The following PRKCE variants were observed in gnomAD, a reference collection of about 807,000 sequenced individuals.
The protein encoded by PRKCE is protein kinase C epsilon type.
A neutral mutation model predicts 85.4 loss-of-function variants in PRKCE; 16 were observed. The ratio of observed to expected loss-of-function variants is 0.19; its 90% CI spans 0.13 to 0.28. The LOEUF (loss-of-function observed/expected upper bound fraction) is 0.28. PRKCE is among the 10% of genes least tolerant of loss of function. The probability of loss-of-function intolerance (pLI) is 1.00; values close to 1 mark genes in which losing one functional copy is unlikely to be tolerated. For synonymous variants in PRKCE, 388 were observed against 371.5 expected, an observed-to-expected ratio of 1.04 and a Z score of -0.51; for missense variants, 573 against 975.2, an observed-to-expected ratio of 0.59 and a Z score of 5.49.
At position 45,885,002 on chromosome 2, in the gene PRKCE, T is replaced by TTTTTTTG. The variant is rs375477829; in HGVS notation, c.412+41941_412+41942insTTTTGTT. ...ATATATATATATATATATATATATA[T>TTTTTTTG]TTGTTGTTGTTGTTGTTGTTTTACC... On this transcript the variant is annotated intron_variant, in intron 2 of 14. Coordinates refer to ENST00000306156, the MANE Select transcript of PRKCE (RefSeq NM_005400.3). Among the ~76,000 whole-genome samples, 618 of 97,624 alleles carry TTTTTTTG rather than the reference T, an allele frequency of 6.3e-3. 41 individuals are homozygous for TTTTTTTG. Among genetic ancestry groups the TTTTTTTG allele is most frequent in the Non-Finnish European group, 9.3e-3 (444 of 47,596 alleles). The allele number at this position is 97,624 out of a possible 152,430, so 64.0% of individuals were successfully genotyped here. A position where few individuals can be genotyped will look rare whatever the true frequency, so the allele number is the denominator to read the frequency against.
chr2:46,129,501 A>C (rs542476310), intron 11 of PRKCE, among the ~76,000 whole-genome samples: 1 of 152,248 alleles, frequency 6.6e-6, no homozygotes, highest in Admixed American at 6.5e-5. Context: ...ACGTGTTTCC[A>C]TAGTGCCAAG....
At chr2:45,686,067 A>G (rs571263082) in intron 1 of PRKCE, among the ~76,000 whole-genome samples, 1 of 152,318 alleles carries the variant, frequency 6.6e-6, no homozygotes, top group African/African-American at 2.4e-5. Context: ...TATCTTGTAT[A>G]TGTCCTGTAT....
chr2:45,705,480 C>T (rs1467701538), intron 1 of PRKCE, among the ~76,000 whole-genome samples: 2 of 152,186 alleles, frequency 1.3e-5, no homozygotes, highest in African/African-American at 4.8e-5. Context: ...CCAGCTGTAC[C>T]ATTCCCTGCA....
chr2:45,856,815 T>G (rs1224613690), intron 2 of PRKCE, among the ~76,000 whole-genome samples: 3 of 152,266 alleles, frequency 2.0e-5, no homozygotes, highest in Non-Finnish European at 4.4e-5. Context: ...TTTGTCTTTC[T>G]GTGCCTGGCT....
chr2:45,822,571 T>G (rs1482895926), intron 1 of PRKCE, among the ~76,000 whole-genome samples: 1 of 152,186 alleles, frequency 6.6e-6, no homozygotes, highest in Non-Finnish European at 1.5e-5. Context: ...TGGGCTGGGG[T>G]GCCCTGTAAT....
At chr2:46,154,655 T>C (rs1677022600) in intron 13 of PRKCE, among the ~76,000 whole-genome samples, 4 of 152,142 alleles carry the variant, frequency 2.6e-5, no homozygotes, top group African/African-American at 9.6e-5. Context: ...CTCCATCTCC[T>C]TTGCTACCCC....
intron 1 of PRKCE, among the ~76,000 whole-genome samples, chr2:45,808,531 G>A (rs1029853196): frequency 1.2e-4 from 19 of 152,138 alleles, no homozygotes; most frequent in Admixed American, 3.3e-4. Context: ...TTTGTGTACC[G>A]TCTGGAGAAT....
At chr2:45,677,392 C>A (rs1034479625) in intron 1 of PRKCE, among the ~76,000 whole-genome samples, 3 of 144,642 alleles carry the variant, frequency 2.1e-5, no homozygotes, top group African/African-American at 7.8e-5. Context: ...CTCTGTCGCC[C>A]AGGCCGGACT....
chr2:46,078,371 T>TAAAA (rs11387144), intron 10 of PRKCE: 3 of 128,130 alleles, frequency 2.3e-5, no homozygotes, highest in Non-Finnish European at 3.3e-5. Context: ...CTCTTGTCTC[T>TAAAA]AAAAAAAAAA....
chr2:46,100,846 C>T (rs1671143667), intron 11 of PRKCE, among the ~76,000 whole-genome samples: 1 of 147,636 alleles, frequency 6.8e-6, no homozygotes, highest in Non-Finnish European at 1.5e-5. Context: ...TTCCTTCTTT[C>T]CTTTTCTTTT....
intron 1 of PRKCE, among the ~76,000 whole-genome samples, chr2:45,718,510 A>AATTTTTGT (rs1369132159): frequency 1.3e-5 from 2 of 151,822 alleles, no homozygotes; most frequent in African/African-American, 2.4e-5. Flanking sequence ...ACACTCAGCT[A>AATTTTTGT]ATTTTTGTAT....
chr2:45,851,475 G>T (rs1692252525), intron 2 of PRKCE, among the ~76,000 whole-genome samples: 2 of 152,256 alleles, frequency 1.3e-5, no homozygotes, highest in Non-Finnish European at 1.5e-5. Context: ...TGTGTTTGCA[G>T]GTTGTCTATG....
chr2:45,670,985 T>C (rs575725776), intron 1 of PRKCE, among the ~76,000 whole-genome samples: 3 of 152,334 alleles, frequency 2.0e-5, no homozygotes, highest in African/African-American at 7.2e-5. Flanking sequence ...CTGGGTTGAA[T>C]TGTTGGAAAT....
At position 46,184,617 on chromosome 2, in the gene PRKCE, G is replaced by T. The variant is rs990658290; in HGVS notation, c.2068-118G>T. The T allele has an allele frequency of 7.6e-7, 1 of 1,316,592 alleles. No homozygotes were observed. 81.6% of individuals were successfully genotyped at this position (1,316,592 alleles called of 1,614,324 possible). A position where few individuals can be genotyped will look rare whatever the true frequency, so the allele number is the denominator to read the frequency against. ...CGGGACAGCCCCGTGTCTGCTGTCT[G>T]TTGGTAGCTAGAGGCCTGCTTTGGT... is the stretch of plus-strand genomic sequence containing the variant. On this transcript the variant is annotated intron_variant, in intron 14 of 14. Transcript: ENST00000306156. This position sits in a 1 kb window ranked among gnomAD's most constrained non-coding sequence, Gnocchi z 5.0.
Position 45,884,999 on chromosome 2 carries a change from A to ATTTTTTTTTTT in PRKCE, c.412+41937_412+41938insTTTTTTTTTTT, listed in dbSNP as rs1265565855. Among the ~76,000 whole-genome samples the ATTTTTTTTTTT allele has an allele frequency of 3.7e-3, 231 of 63,238 alleles. 10 individuals are homozygous for ATTTTTTTTTTT. Among genetic ancestry groups the ATTTTTTTTTTT allele is most frequent in the East Asian group, 9.5e-3 (16 of 1,680 alleles). The allele number at this position is 63,238 out of a possible 152,430, so 41.5% of individuals were successfully genotyped here. A position where few individuals can be genotyped will look rare whatever the true frequency, so the allele number is the denominator to read the frequency against. ...TATATATATATATATATATATATAT[A>ATTTTTTTTTTT]TATTTGTTGTTGTTGTTGTTGTTTT... On this transcript the variant is annotated intron_variant, in intron 2 of 14. Coordinates refer to ENST00000306156, the MANE Select transcript of PRKCE (RefSeq NM_005400.3).
At chr2:45,749,968 A>T (rs543965046) in intron 1 of PRKCE, among the ~76,000 whole-genome samples, 1 of 152,268 alleles carries the variant, frequency 6.6e-6, no homozygotes, top group Non-Finnish European at 1.5e-5. Flanking sequence ...GGGAGAACAT[A>T]TATTCTGTAT....
At chr2:45,811,704 T>G (rs999870124) in intron 1 of PRKCE, among the ~76,000 whole-genome samples, 1 of 152,160 alleles carries the variant, frequency 6.6e-6, no homozygotes, top group Non-Finnish European at 1.5e-5. Context: ...TCCCCAATTA[T>G]GGGGAGAAGT....
At chr2:45,658,125 G>A (rs924082382) in intron 1 of PRKCE, among the ~76,000 whole-genome samples, 1 of 152,144 alleles carries the variant, frequency 6.6e-6, no homozygotes, top group Non-Finnish European at 1.5e-5. Context: ...AAGGAGGTAG[G>A]GAAGGGCTGG....
chr2:45,903,881 G>GTTTTTTTTT (rs34124689), intron 2 of PRKCE, among the ~76,000 whole-genome samples: 2,958 of 116,040 alleles, frequency 0.025, 124 homozygotes, highest in African/African-American at 0.048. Flanking sequence ...TAGCCTGGCA[G>GTTTTTTTTT]TTTTTTTTTG....
Sources: gnomAD v4.1 joint callset for allele counts (sites outside exome capture counted in the v4.1 genomes callset) on GRCh38, gnomAD v4.1.1 for gene constraint, Gnocchi (gnomAD v3.1) non-coding constraint, MANE v1.5 for transcripts, NCBI Gene and HGNC (gene_info 2026-07-23, HGNC 2026-07-21) for gene names.